The following SLC36A3 variants were observed in gnomAD, a reference collection of about 807,000 sequenced individuals.
SLC36A3 encodes proton-coupled amino acid transporter 3.
Under a neutral mutation model 44.3 loss-of-function variants are expected in SLC36A3, and 35 were observed. The ratio of observed to expected loss-of-function variants is 0.79; its 90% CI spans 0.60 to 1.05. The LOEUF (loss-of-function observed/expected upper bound fraction) is 1.05. Ranked by LOEUF, SLC36A3 falls within the 50% of genes least tolerant of loss-of-function variation. The pLI, the probability that SLC36A3 is intolerant of heterozygous loss-of-function variation, is 0.00. For missense variants in SLC36A3, 540 were observed against 578.7 expected (o/e 0.93, Z 0.69); for synonymous variants, 211 against 227.6 (o/e 0.93, Z 0.66).
rs776711365 is a variant in SLC36A3, at chr5:151,280,995, G to T, written c.1144+19C>A. On this transcript the variant is annotated intron_variant, in intron 9 of 9. Coordinates refer to ENST00000335230, the MANE Select transcript of SLC36A3 (RefSeq NM_181774.4). ...CCTGTCATAGCTTTGGGTAAAGAGT[G>T]CCCTTTTATGCTACTCACAGGTTAG... 1 of 1,613,762 alleles carries T rather than the reference G, an allele frequency of 6.2e-7. No individual in the cohort carries two copies. Among genetic ancestry groups the T allele is most frequent in the Admixed American group, 1.7e-5 (1 of 60,000 alleles).
rs1257221866 is a variant in SLC36A3 at position 151,284,677 on chromosome 5, G to A, written c.743C>T (p.Ala248Val). 21 of 1,613,222 alleles carry A rather than the reference G, an allele frequency of 1.3e-5. No individual in the cohort carries two copies. Among genetic ancestry groups the A allele is most frequent in the African/African-American group, 2.7e-5 (2 of 74,894 alleles). ...GAACAGCAAGAAGGTCTTCCAGTTTGCCATCAAGGGTAGGTTGCTGGGATA... is the reference window on the plus strand; with the variant it reads ...GAACAGCAAGAAGGTCTTCCAGTTTACCATCAAGGGTAGGTTGCTGGGATA... ...IPYPSNLPLM[A>V]NWKTFLLFFG... The change falls in exon 7 of 10, where the codon GCA (alanine) becomes GTA (valine). Residue 248 changes from alanine to valine, a missense_variant. Physicochemically the swap from Ala to Val is moderately conservative, Grantham distance 64 (BLOSUM62 0). Transcript: ENST00000335230.
Position 151,298,635 on chromosome 5 carries a change from C to T in SLC36A3, c.177G>A (p.Gly59=). The T allele has an allele frequency of 6.2e-7, 1 of 1,614,160 alleles. No homozygotes were observed. The highest frequency in any genetic ancestry group is 8.5e-7 in the Non-Finnish European group (1 of 1,180,024). ...IHLLKCNIGT[G]LLGLPLAIKN... Reference sequence around the variant, plus strand: ...TTATGGCCAGGGGAAGCCCCAGGAGCCCTGTGCCAATGTTGCATTTCAACA... The same window carrying T: ...TTATGGCCAGGGGAAGCCCCAGGAGTCCTGTGCCAATGTTGCATTTCAACA... Residue 59 remains glycine (G), a synonymous_variant, in exon 2 of 10, where the codon GGG becomes GGA. Coordinates refer to ENST00000335230, the MANE Select transcript of SLC36A3 (RefSeq NM_181774.4).
intron 3 of SLC36A3, among the ~76,000 whole-genome samples, chr5:151,294,950 T>C (rs1246673121): frequency 6.6e-6 from 1 of 151,890 alleles, no homozygotes; most frequent in African/African-American, 2.4e-5. Context: ...GGTTTAAACA[T>C]TGACTAAAAA....
rs1445948920 is a variant in SLC36A3 at position 151,281,060 on chromosome 5, T to C, written c.1098A>G (p.Ala366=). The C allele has an allele frequency of 6.2e-7, 1 of 1,614,182 alleles. No individual in the cohort carries two copies. Among genetic ancestry groups the C allele is most frequent in the South Asian group, 1.1e-5 (1 of 91,084 alleles). The part of the protein sequence containing the change: ...FAISQVSESW[A]LFVDLSVRSA... ...AGCGGACAGACAGGTCTACAAACAG[T>C]GCCCAGCTCTCTGACACTTGGGAGA... The change falls in exon 9 of 10, where the codon GCA becomes GCG. Residue 366 remains alanine (A), a synonymous_variant. Coordinates refer to ENST00000335230, the MANE Select transcript of SLC36A3 (RefSeq NM_181774.4).
chr5:151,299,989 A>G (rs1755116046), intron 1 of SLC36A3, among the ~76,000 whole-genome samples: 2 of 152,222 alleles, frequency 1.3e-5, no homozygotes, highest in South Asian at 4.1e-4. Context: ...TTCAAGAGGA[A>G]GAAGAATTGG....
rs10476765 is a variant in SLC36A3 at position 151,284,767 on chromosome 5, A to C, written c.709-56T>G. 31,108 of 1,401,188 alleles carry C rather than the reference A, an allele frequency of 0.022. 2,783 individuals carry two copies. The African/African-American group carries it at 0.26, about 12-fold the overall frequency. The allele number at this position is 1,401,188 out of a possible 1,614,324, so 86.8% of individuals were successfully genotyped here. On this transcript the variant is annotated intron_variant, in intron 6 of 9. Transcript: ENST00000335230. ...TTGTTATGGTGTCGAAGTCATCCCA[A>C]ATCTTTGCCTGGTAGAAAGCTGGGT...
chr5:151,294,131 A>G (rs561879215), intron 3 of SLC36A3, among the ~76,000 whole-genome samples: 71 of 152,262 alleles, frequency 4.7e-4, no homozygotes, highest in African/African-American at 1.6e-3. Flanking sequence ...CAGAGTTTAA[A>G]TCCCAACATG....
At position 151,288,498 on chromosome 5, in the gene SLC36A3, A is replaced by C. The variant is rs752393726; in HGVS notation, c.405-28T>G. The C allele has an allele frequency of 2.1e-6, 3 of 1,437,762 alleles. No individual in the cohort carries two copies. The East Asian group carries it at 7.4e-5, about 35-fold the overall frequency. The allele number at this position is 1,437,762 out of a possible 1,614,324, so 89.1% of individuals were successfully genotyped here. On this transcript the variant is annotated intron_variant, in intron 4 of 9. Coordinates refer to ENST00000335230, the MANE Select transcript of SLC36A3 (RefSeq NM_181774.4). ...GGGAAGGAAAGGAAGAGGCAGACAGAGGGAGGAAACAAAAGCTAAAATTAT... is the reference window on the plus strand; with the variant it reads ...GGGAAGGAAAGGAAGAGGCAGACAGCGGGAGGAAACAAAAGCTAAAATTAT...
chr5:151,290,983 A>G (rs914760591), intron 4 of SLC36A3, among the ~76,000 whole-genome samples: 4 of 151,786 alleles, frequency 2.6e-5, no homozygotes, highest in South Asian at 2.1e-4. Flanking sequence ...ATTAACAATA[A>G]TTTCTTTTTT....
At chr5:151,290,020 A>G (rs924005366) in intron 4 of SLC36A3, among the ~76,000 whole-genome samples, 9 of 152,022 alleles carry the variant, frequency 5.9e-5, no homozygotes, top group African/African-American at 2.2e-4. Context: ...TTTCTTCTAA[A>G]TTTATTAGCT....
intron 4 of SLC36A3, among the ~76,000 whole-genome samples, chr5:151,292,533 G>T (rs1754798090): frequency 6.6e-6 from 1 of 152,204 alleles, no homozygotes; most frequent in Admixed American, 6.5e-5. Flanking sequence ...TACCTCACAA[G>T]GCTGTTGAGA....
intron 1 of SLC36A3, among the ~76,000 whole-genome samples, chr5:151,299,352 T>C (rs1755091377): frequency 7.5e-6 from 1 of 133,998 alleles, no homozygotes; most frequent in South Asian, 2.4e-4. Flanking sequence ...TGTGGCAAAG[T>C]AGAGTCAGAT....
intron 4 of SLC36A3, among the ~76,000 whole-genome samples, chr5:151,291,294 A>G (rs577485573): frequency 1.4e-4 from 22 of 152,332 alleles, no homozygotes; most frequent in African/African-American, 5.1e-4. Flanking sequence ...TAATTTCTTT[A>G]TACCATCTAA....
At chr5:151,277,694 A>G (rs777411256) in intron 9 of SLC36A3, 33 bp from the exon 10 acceptor site, 1 of 1,601,382 alleles carries the variant, frequency 6.2e-7, no homozygotes, top group Admixed American at 1.7e-5. Flanking sequence ...GAATCACTGA[A>G]TGTGCTCAGA....
intron 8 of SLC36A3, among the ~76,000 whole-genome samples, chr5:151,281,543 C>A (rs1323452282): frequency 6.6e-6 from 1 of 152,050 alleles, no homozygotes; most frequent in African/African-American, 2.4e-5. Context: ...AATAGCCGGG[C>A]GTGGTGGCTC....
chr5:151,281,240 A>G (rs1754305679), intron 8 of SLC36A3, 57 bp from the exon 9 acceptor site: 2 of 1,533,596 alleles, frequency 1.3e-6, no homozygotes, highest in Non-Finnish European at 8.9e-7. Context: ...AGGGCCATTG[A>G]GGACTCACTT....
Position 151,277,575 on chromosome 5 carries a change from G to A in SLC36A3, c.1231C>T (p.Pro411Ser). 1 of 1,614,182 alleles carries A rather than the reference G, an allele frequency of 6.2e-7. No homozygotes were observed. Among genetic ancestry groups the A allele is most frequent in the Middle Eastern group, 1.6e-4 (1 of 6,062 alleles). Residue 411 changes from proline to serine, a missense_variant, in exon 10 of 10, where the codon CCA becomes TCA. Pro to Ser is a moderately conservative substitution (Grantham distance 74). Coordinates refer to ENST00000335230, the MANE Select transcript of SLC36A3 (RefSeq NM_181774.4). ...AAGATGACGATCTCCAGGAGGGCTG[G>A]GATGATGAGAGCCAGGGCGCTGCTG... ...VSSSALALIIPALLEIVIFYS... is the reference protein window; with the variant it reads ...VSSSALALIISALLEIVIFYS...
At chr5:151,289,602 T>TA (rs1188123484) in intron 4 of SLC36A3, among the ~76,000 whole-genome samples, 1 of 152,224 alleles carries the variant, frequency 6.6e-6, no homozygotes, top group African/African-American at 2.4e-5. Flanking sequence ...ATTATTTTAT[T>TA]TTATTTTATT....
chr5:151,291,063 G>T (rs2127265034), intron 4 of SLC36A3, among the ~76,000 whole-genome samples: 2 of 151,294 alleles, frequency 1.3e-5, no homozygotes, highest in Middle Eastern at 3.4e-3. Flanking sequence ...GCTCACTGCA[G>T]CCTCAACCTC....
Sources: gnomAD v4.1 joint callset for allele counts (sites outside exome capture counted in the v4.1 genomes callset) on GRCh38, gnomAD v4.1.1 for gene constraint, MANE v1.5 for transcripts, NCBI Gene and HGNC (gene_info 2026-07-23, HGNC 2026-07-21) for gene names.